CNTNAP3: variants seen among roughly 807,000 people sequenced by gnomAD.
CNTNAP3 encodes contactin associated protein family member 3.
In CNTNAP3, 36 loss-of-function variants were observed where a neutral mutation model predicts 92.1. That is an observed-to-expected ratio of 0.39 (90% CI 0.30 to 0.52). The LOEUF is 0.52. Ranked by LOEUF, CNTNAP3 falls within the 20% of genes least tolerant of loss-of-function variation. The pLI, the probability that CNTNAP3 is intolerant of heterozygous loss-of-function variation, is 0.76. For synonymous variants in CNTNAP3, 232 were observed against 422.3 expected (o/e 0.55, Z 5.53); for missense variants, 534 against 1,069.6 (o/e 0.50, Z 6.98).
intron 23 of CNTNAP3, among the ~76,000 whole-genome samples, chr9:39,075,864 TTGTTAATCAGA>T (rs945109054): frequency 7.2e-5 from 11 of 152,304 alleles, no homozygotes; most frequent in Non-Finnish European, 1.5e-5. Context: ...TGTTTTTCTC[TTGTTAATCAGA>T]GGTCTGTCCC....
At chr9:39,141,606 T>C (rs1821576406) in intron 11 of CNTNAP3, among the ~76,000 whole-genome samples, 1 of 152,184 alleles carries the variant, frequency 6.6e-6, no homozygotes, top group Non-Finnish European at 1.5e-5. Flanking sequence ...GTACAAGGTA[T>C]GGAATTAATA....
intron 21 of CNTNAP3, among the ~76,000 whole-genome samples, chr9:39,083,343 G>GAT (rs920998592): frequency 7.2e-5 from 11 of 151,890 alleles, no homozygotes; most frequent in Admixed American, 2.0e-4. Flanking sequence ...CTGTTTTTTT[G>GAT]ATATATATAT....
chr9:39,257,483 C>CA lies in CNTNAP3; in HGVS notation c.196+9412dup, dbSNP rs1416005130. ...GGTTCATCCATGTTATCACAAGTGT[C>CA]AGAGTTCCCTGCATCACGGGTTTTA... On this transcript the variant is annotated intron_variant, in intron 2 of 23. Coordinates refer to ENST00000297668, the MANE Select transcript of CNTNAP3 (RefSeq NM_033655.5). Among the ~76,000 whole-genome samples the CA allele has an allele frequency of 9.6e-3, 195 of 20,356 alleles. 88 individuals carry two copies. The highest frequency in any genetic ancestry group is 0.026 in the South Asian group (2 of 76). 13.4% of individuals were successfully genotyped at this position (20,356 alleles called of 152,430 possible).
chr9:39,100,245 A>G (rs1209515760), intron 17 of CNTNAP3, 95 bp from the exon 18 acceptor site: 20 of 1,517,792 alleles, frequency 1.3e-5, no homozygotes, highest in Non-Finnish European at 1.8e-5. Flanking sequence ...GAGAGTGGCA[A>G]TAATCACAAT....
intron 18 of CNTNAP3, among the ~76,000 whole-genome samples, chr9:39,096,443 G>A (rs770305240): frequency 7.2e-5 from 11 of 151,946 alleles, no homozygotes; most frequent in Non-Finnish European, 1.3e-4. Flanking sequence ...ATAGTTGTAC[G>A]TTATTTATGG....
chr9:39,083,228 C>T (rs1825986809), intron 21 of CNTNAP3, among the ~76,000 whole-genome samples: 1 of 152,110 alleles, frequency 6.6e-6, no homozygotes, highest in African/African-American at 2.4e-5. Flanking sequence ...GAATGTATAC[C>T]TCCTAAGGTA....
chr9:39,106,147 G>T (rs1826600288), intron 15 of CNTNAP3, among the ~76,000 whole-genome samples: 2 of 152,060 alleles, frequency 1.3e-5, no homozygotes, highest in Non-Finnish European at 2.9e-5. Flanking sequence ...AGTCCCAGCT[G>T]CCCCAAAAGA....
intron 18 of CNTNAP3, among the ~76,000 whole-genome samples, chr9:39,093,307 T>A (rs1826252064): frequency 6.8e-6 from 1 of 146,740 alleles, no homozygotes; most frequent in Non-Finnish European, 1.5e-5. Context: ...CTTATTATTT[T>A]GTGTTGGTGG....
chr9:39,094,801 G>A (rs1484055818), intron 18 of CNTNAP3, among the ~76,000 whole-genome samples: 1 of 151,452 alleles, frequency 6.6e-6, no homozygotes, highest in Non-Finnish European at 1.5e-5. Flanking sequence ...TTGTTCTTTT[G>A]TAAAATTGTT....
intron 9 of CNTNAP3, chr9:39,159,532 A>G (rs1180239908): frequency 7.6e-6 from 1 of 132,154 alleles, no homozygotes; most frequent in East Asian, 2.2e-4. Context: ...GGGTTTCACC[A>G]TGTTAGCCAG....
intron 13 of CNTNAP3, among the ~76,000 whole-genome samples, chr9:39,118,818 G>C (rs568024976): frequency 1.8e-3 from 269 of 152,312 alleles, no homozygotes; most frequent in African/African-American, 6.3e-3. Context: ...ACATTGATAG[G>C]CTTTTCTCAT....
intron 14 of CNTNAP3, among the ~76,000 whole-genome samples, chr9:39,115,334 C>G (rs936263766): frequency 6.6e-6 from 1 of 151,892 alleles, no homozygotes; most frequent in African/African-American, 2.4e-5. Flanking sequence ...GTAATAAAGA[C>G]TAAGATTTAT....
rs989155263 is a variant in CNTNAP3, at chr9:39,071,711, A to G, written c.*2179T>C. On this transcript the variant is annotated 3_prime_UTR_variant, in exon 24 of 24. Coordinates refer to ENST00000297668, the MANE Select transcript of CNTNAP3 (RefSeq NM_033655.5). ...GACTGTTAGATGGTTGCTCTTTGGC[A>G]GAAGTTTAAATATATATATTCATAG... Among the ~76,000 whole-genome samples the G allele has an allele frequency of 6.7e-6, 1 of 149,320 alleles. No homozygotes were observed. Among genetic ancestry groups the G allele is most frequent in the Admixed American group, 6.7e-5 (1 of 14,952 alleles).
intron 16 of CNTNAP3, among the ~76,000 whole-genome samples, chr9:39,102,938 T>C (rs1256593602): frequency 2.6e-5 from 4 of 151,986 alleles, no homozygotes; most frequent in Non-Finnish European, 4.4e-5. Context: ...AATTCAACCT[T>C]GTTAAGTCCT....
At position 39,072,563 on chromosome 9, in the gene CNTNAP3, A is replaced by G. The variant is rs1825652354; in HGVS notation, c.*1327T>C. 6.6e-6 allele frequency among the ~76,000 whole-genome samples: 1 copy of G among 152,040 alleles called. No individual in the cohort carries two copies. Among genetic ancestry groups the G allele is most frequent in the African/African-American group, 2.4e-5 (1 of 41,430 alleles). On this transcript the variant is annotated 3_prime_UTR_variant, in exon 24 of 24. Coordinates refer to ENST00000297668, the MANE Select transcript of CNTNAP3 (RefSeq NM_033655.5). ...TGTTCCAGTTAACTGCACATATTCA[A>G]TTTTGGGTAATCTATGGGAATTTGG...
At chr9:39,150,472 G>C (rs1208600466) in intron 9 of CNTNAP3, among the ~76,000 whole-genome samples, 3 of 48,218 alleles carry the variant, frequency 6.2e-5, no homozygotes. Flanking sequence ...AGGTGTTTTT[G>C]TGTGTTGCGA....
intron 9 of CNTNAP3, among the ~76,000 whole-genome samples, chr9:39,152,030 A>C (rs1821854757): frequency 1.4e-5 from 2 of 144,724 alleles, no homozygotes; most frequent in South Asian, 4.5e-4. Flanking sequence ...AAAATGAAAA[A>C]AATGAAGTAT....
chr9:39,129,303 G>T (rs1358661376), intron 13 of CNTNAP3, among the ~76,000 whole-genome samples: 1 of 152,184 alleles, frequency 6.6e-6, no homozygotes, highest in African/African-American at 2.4e-5. Flanking sequence ...AACAGATAAA[G>T]AATGCAGAAA....
intron 21 of CNTNAP3, among the ~76,000 whole-genome samples, chr9:39,082,003 C>T (rs1285129391): frequency 2.7e-5 from 4 of 150,456 alleles, no homozygotes; most frequent in Non-Finnish European, 2.9e-5. Flanking sequence ...AGGAGAATGG[C>T]GTGAACCCGG....
Sources: gnomAD v4.1 joint callset for allele counts (sites outside exome capture counted in the v4.1 genomes callset) on GRCh38, gnomAD v4.1.1 for gene constraint, MANE v1.5 for transcripts, NCBI Gene and HGNC (gene_info 2026-07-23, HGNC 2026-07-21) for gene names.